The following CATIP variants were observed in gnomAD, a reference collection of about 807,000 sequenced individuals.
The protein encoded by CATIP is ciliogenesis-associated TTC17-interacting protein.
In CATIP, 40 loss-of-function variants were observed where a neutral mutation model predicts 42.5. The ratio of observed to expected loss-of-function variants is 0.94; its 90% confidence interval spans 0.73 to 1.22. CATIP has a LOEUF of 1.22. CATIP is among the 50% of genes most tolerant of loss of function. CATIP has a pLI of 0.00. For missense variants in CATIP, 489 were observed against 496.0 expected (o/e 0.99, Z 0.13); for synonymous variants, 222 against 200.2 (o/e 1.11, Z -0.92).
At chr2:218,367,595 T>C (rs1574747141) in intron 9 of CATIP, 77 bp downstream of exon 9, 7 of 1,603,278 alleles carry the variant, frequency 4.4e-6, no homozygotes, top group East Asian at 2.2e-5. Flanking sequence ...CTGCACCTGA[T>C]TGAAATGCAC....
Position 218,357,104 on chromosome 2 carries a change from C to T in CATIP, c.35C>T (p.Ala12Val). Residue 12 changes from alanine to valine, a missense_variant, in exon 2 of 10, where the codon GCT becomes GTT. Physicochemically the swap from Ala to Val is moderately conservative, Grantham distance 64 (BLOSUM62 0). Transcript: ENST00000289388. ...TCTCATCCCTCTGTAGGCTCCAGAG[C>T]TAAGGACCACCAGCCCTCGGGTCCG... ...SSKVYSTGSR[A>V]KDHQPSGPEC... 1.2e-6 allele frequency: 2 copies of T among 1,613,426 alleles called. No individual in the cohort carries two copies. Among genetic ancestry groups the T allele is most frequent in the Non-Finnish European group, 1.7e-6 (2 of 1,179,580 alleles).
rs748392845 is a variant in CATIP, at chr2:218,367,948, G to C, written c.1148G>C (p.Arg383Pro). ...FRSLEPEGDA[R>P]SGAA ...TCCCTGGAGCCGGAGGGAGACGCCC[G>C]CTCGGGGGCGGCCTAAGCGGGGCCC... The change falls in exon 10 of 10, where the codon CGC becomes CCC. Residue 383 changes from arginine (R) to proline (P), a missense_variant. By Grantham distance (103) the Arg-to-Pro change is moderately radical (BLOSUM62 -2). Transcript: ENST00000289388. The C allele has an allele frequency of 6.3e-7, 1 of 1,589,418 alleles. No individual in the cohort carries two copies. Among genetic ancestry groups the C allele is most frequent in the Non-Finnish European group, 8.5e-7 (1 of 1,171,368 alleles).
chr2:218,358,852 C>T (rs1695131036), intron 4 of CATIP, among the ~76,000 whole-genome samples: 1 of 148,874 alleles, frequency 6.7e-6, no homozygotes. Flanking sequence ...CCACTGTACT[C>T]CAGCCTGGGT....
intron 5 of CATIP, among the ~76,000 whole-genome samples, chr2:218,360,875 G>A (rs1695210324): frequency 6.7e-6 from 1 of 149,694 alleles, no homozygotes; most frequent in African/African-American, 2.5e-5. Flanking sequence ...TTGTTGCAGA[G>A]GCTGGAGTGC....
intron 5 of CATIP, among the ~76,000 whole-genome samples, chr2:218,362,446 C>T (rs1425431127): frequency 6.6e-6 from 1 of 151,944 alleles, no homozygotes; most frequent in African/African-American, 2.4e-5. Flanking sequence ...CAAGACTAGC[C>T]TGGCCAACAT....
At position 218,361,843 on chromosome 2, in the gene CATIP, G is replaced by A. The variant is rs144567284; in HGVS notation, c.463-892G>A. ...CAATGTCCTCTTCAGAACTCTGAGC[G>A]GGGACCAGATTAGATGAAGCCAGGA... On this transcript the variant is annotated intron_variant, in intron 5 of 9. Coordinates refer to ENST00000289388, the MANE Select transcript of CATIP (RefSeq NM_198559.2). 7.9e-5 allele frequency among the ~76,000 whole-genome samples: 12 copies of A among 152,242 alleles called. No individual in the cohort carries two copies. In the East Asian group the frequency reaches 1.7e-3, roughly 22 times the overall value.
chr2:218,362,928 C>G, intron 6 of CATIP, 26 bp downstream of exon 6: 1 of 1,594,170 alleles, frequency 6.3e-7, no homozygotes, highest in African/African-American at 1.3e-5. Context: ...GGGCAGGGGA[C>G]TTGGCTTGGG....
chr2:218,367,176 G>A, intron 8 of CATIP, 76 bp downstream of exon 8: 2 of 1,143,460 alleles, frequency 1.7e-6, no homozygotes, highest in Non-Finnish European at 1.3e-6. Context: ...CAGGATGCAG[G>A]GGGCTGGACC....
chr2:218,360,534 G>A, intron 4 of CATIP, 39 bp from the exon 5 acceptor site: 1 of 1,504,874 alleles, frequency 6.6e-7, no homozygotes, highest in South Asian at 1.1e-5. Context: ...GGGGGACCCA[G>A]GGAGTCCCTG....
chr2:218,367,875 C>G lies in CATIP; in HGVS notation c.1075C>G (p.Pro359Ala), dbSNP rs1574747875. The part of the protein sequence containing the change: ...EFFGPFDPWR[P>A]SSPALGSSHR... ...CTTCGGCCCCTTCGACCCGTGGCGT[C>G]CGTCGTCACCGGCCTTGGGCTCCTC... is the stretch of plus-strand genomic sequence containing the variant. The change falls in exon 10 of 10, where the codon CCG (proline) becomes GCG (alanine). Residue 359 changes from proline (P) to alanine (A), a missense_variant. Pro to Ala is a conservative substitution (Grantham distance 27). Coordinates refer to ENST00000289388, the MANE Select transcript of CATIP (RefSeq NM_198559.2). 10 of 1,612,808 alleles carry G rather than the reference C, an allele frequency of 6.2e-6. No individual in the cohort carries two copies. In the East Asian group the frequency reaches 2.0e-4, roughly 32 times the overall value.
At chr2:218,363,304 C>A (rs1247289112) in intron 6 of CATIP, among the ~76,000 whole-genome samples, 4 of 149,562 alleles carry the variant, frequency 2.7e-5, no homozygotes, top group African/African-American at 7.4e-5. Context: ...CATGGTGAAA[C>A]CCCGCCTCTA....
chr2:218,361,924 C>A (rs1283814309), intron 5 of CATIP, among the ~76,000 whole-genome samples: 10 of 151,996 alleles, frequency 6.6e-5, no homozygotes, highest in African/African-American at 2.4e-4. Context: ...GCCTGTAATC[C>A]CAGCTCTCAG....
rs1695099173 is a variant in CATIP at position 218,358,095 on chromosome 2, A to G, written c.375+3A>G. The G allele has an allele frequency of 2.6e-5, 42 of 1,613,448 alleles. No homozygotes were observed. The highest frequency in any genetic ancestry group is 3.6e-5 in the Non-Finnish European group (42 of 1,179,562). ...AGCACAGCCAAGACTTCATCAAGGT[A>G]CTTCCCAGGGCCCCAGCCTTGACCC... On this transcript the variant is annotated splice_donor_region_variant and intron_variant, in intron 4 of 9. Coordinates refer to ENST00000289388, the MANE Select transcript of CATIP (RefSeq NM_198559.2).
In CATIP at chr2:218,357,153, C is replaced by A. The variant is rs775029331; in HGVS notation, c.84C>A (p.Ala28=). 1 of 1,613,906 alleles carries A rather than the reference C, an allele frequency of 6.2e-7. No individual in the cohort carries two copies. The highest frequency in any genetic ancestry group is 1.7e-5 in the Admixed American group (1 of 59,978). Residue 28 remains alanine (A), a synonymous_variant, in exon 2 of 10, where the codon GCC becomes GCA. Coordinates refer to ENST00000289388, the MANE Select transcript of CATIP (RefSeq NM_198559.2). Reference sequence around the variant, plus strand: ...CGGAGTGTCTGCCACTCCCAGAGGCCAATGCTGAAGCCATCGACTTCCTCA... The same window carrying A: ...CGGAGTGTCTGCCACTCCCAGAGGCAAATGCTGAAGCCATCGACTTCCTCA... The part of the protein sequence containing the change: ...SGPECLPLPE[A]NAEAIDFLSS...
chr2:218,357,557 T>C lies in CATIP; in HGVS notation c.142T>C (p.Phe48Leu). 6.2e-7 allele frequency: 1 copy of C among 1,613,904 alleles called. No homozygotes were observed. The highest frequency in any genetic ancestry group is 8.5e-7 in the Non-Finnish European group (1 of 1,179,946). The change falls in exon 3 of 10, where the codon TTC becomes CTC. Residue 48 changes from phenylalanine to leucine, a missense_variant. By Grantham distance (22) the Phe-to-Leu change is conservative. Coordinates refer to ENST00000289388, the MANE Select transcript of CATIP (RefSeq NM_198559.2). ...AGACAAGGAGGAGCTACAGATGCTG[T>C]TCTTCTCTGAGACGCTGGCCATGGT... ...SLHKEELQMLFFSETLAMVSD... is the reference protein window; with the variant it reads ...SLHKEELQMLLFSETLAMVSD...
In CATIP at chr2:218,367,517, A is replaced by G. The variant is rs1695494621; in HGVS notation, c.920A>G (p.Lys307Arg). 6.2e-7 allele frequency: 1 copy of G among 1,614,000 alleles called. No homozygotes were observed. The highest frequency in any genetic ancestry group is 1.3e-5 in the African/African-American group (1 of 74,928). The change falls in exon 9 of 10, where the codon AAG becomes AGG. Residue 307 changes from lysine (K) to arginine (R), a missense_variant and splice_region_variant. Coordinates refer to ENST00000289388, the MANE Select transcript of CATIP (RefSeq NM_198559.2). ...CTCTATTCGAAGTTCCTGGACCGGA[A>G]GGTGAGGGGAGGCTCCACCAGCCTG... is the stretch of plus-strand genomic sequence containing the variant. ...MELYSKFLDR[K>R]EELRLGHASY... is the part of the protein sequence containing the mutation.
intron 5 of CATIP, among the ~76,000 whole-genome samples, chr2:218,362,400 G>T (rs1229712520): frequency 6.6e-6 from 1 of 151,310 alleles, no homozygotes; most frequent in Non-Finnish European, 1.5e-5. Flanking sequence ...AACACTTTGG[G>T]AGGCAGAGGG....
chr2:218,367,971 C>T lies in CATIP; in HGVS notation c.*7C>T. 2 of 1,562,810 alleles carry T rather than the reference C, an allele frequency of 1.3e-6. No individual in the cohort carries two copies. Among genetic ancestry groups the T allele is most frequent in the Admixed American group, 3.7e-5 (2 of 53,464 alleles). On this transcript the variant is annotated 3_prime_UTR_variant, in exon 10 of 10. Transcript: ENST00000289388. ...CCGCTCGGGGGCGGCCTAAGCGGGG[C>T]CCAGGCCCGGACAGGGCAGGAAACC...
chr2:218,357,291 T>TCTCTCTCTA (rs1370832307), intron 2 of CATIP, 104 bp downstream of exon 2: 1 of 338,010 alleles, frequency 3.0e-6, no homozygotes, highest in Non-Finnish European at 4.7e-6. Flanking sequence ...CTCTCTCTCT[T>TCTCTCTCTA]CCTTGATTCT....
Sources: gnomAD v4.1 joint callset for allele counts (sites outside exome capture counted in the v4.1 genomes callset) on GRCh38, gnomAD v4.1.1 for gene constraint, MANE v1.5 for transcripts, NCBI Gene and HGNC (gene_info 2026-07-23, HGNC 2026-07-21) for gene names.